The following SEZ6L variants were observed in gnomAD, a reference collection of about 807,000 sequenced individuals.
SEZ6L encodes seizure related 6 homolog like, also known as seizure 6-like protein.
SEZ6L carries 37 observed loss-of-function variants against 106.2 expected under a neutral mutation model. The ratio of observed to expected loss-of-function variants is 0.35; its 90% CI spans 0.27 to 0.46. The LOEUF (loss-of-function observed/expected upper bound fraction) is 0.46, where lower values mean the gene tolerates loss of function less well. SEZ6L is among the 20% of genes least tolerant of loss of function. The pLI is 1.00. For synonymous variants in SEZ6L, 541 were observed against 570.4 expected (o/e 0.95, Z 0.73); for missense variants, 1,172 against 1,332.8 (o/e 0.88, Z 1.88).
chr22:26,169,781 C>A lies in SEZ6L; in HGVS notation c.94+18C>A. The A allele has an allele frequency of 8.2e-7, 1 of 1,221,070 alleles. No individual in the cohort carries two copies. The allele number at this position is 1,221,070 out of a possible 1,614,324, so 75.6% of individuals were successfully genotyped here. On this transcript the variant is annotated intron_variant, in intron 1 of 16. Coordinates refer to ENST00000248933, the MANE Select transcript of SEZ6L (RefSeq NM_021115.5). The stretch of plus-strand genomic sequence containing the variant: ...GGAGCGAGGTAAGCGCCCCGAGGGG[C>A]GGGGCGGGCAGGGGGCAAAGTTGCC...
intron 11 of SEZ6L, among the ~76,000 whole-genome samples, chr22:26,350,588 A>G (rs2083241635): frequency 6.6e-6 from 1 of 151,666 alleles, no homozygotes; most frequent in Admixed American, 6.6e-5. Context: ...CTCCTGGCCT[A>G]TTCTCCAGCC....
chr22:26,353,044 T>C (rs926408191), intron 12 of SEZ6L, among the ~76,000 whole-genome samples: 17 of 152,350 alleles, frequency 1.1e-4, no homozygotes, highest in Admixed American at 1.1e-3. Flanking sequence ...CATTTCTGTG[T>C]TCTTATTTTC....
At chr22:26,359,878 T>A (rs2083557326) in intron 12 of SEZ6L, among the ~76,000 whole-genome samples, 1 of 152,054 alleles carries the variant, frequency 6.6e-6, no homozygotes, top group Non-Finnish European at 1.5e-5. Context: ...ACTAAATGAG[T>A]TCATAGATAT....
chr22:26,219,783 C>T (rs2078409116), intron 1 of SEZ6L, among the ~76,000 whole-genome samples: 3 of 152,150 alleles, frequency 2.0e-5, no homozygotes, highest in South Asian at 4.1e-4. Context: ...GAACAACACA[C>T]ACCAAGGCCT....
chr22:26,368,798 T>TC (rs2083905285), intron 13 of SEZ6L, among the ~76,000 whole-genome samples: 1 of 151,914 alleles, frequency 6.6e-6, no homozygotes, highest in South Asian at 2.1e-4. Context: ...ATGACCACTG[T>TC]CTAAGATAGG....
At chr22:26,226,902 T>TGAA (rs2145735736) in intron 1 of SEZ6L, among the ~76,000 whole-genome samples, 1 of 152,306 alleles carries the variant, frequency 6.6e-6, no homozygotes, top group East Asian at 1.9e-4. Flanking sequence ...CCATGAAGAA[T>TGAA]GAAACCACAC....
intron 1 of SEZ6L, among the ~76,000 whole-genome samples, chr22:26,231,985 C>T (rs1200573377): frequency 6.6e-6 from 1 of 152,130 alleles, no homozygotes; most frequent in Non-Finnish European, 1.5e-5. Context: ...CCCCACAGCA[C>T]TCCATGGGGC....
Position 26,169,502 on chromosome 22 carries a change from C to A in SEZ6L, c.-168C>A, listed in dbSNP as rs1007597223. ...CCCGGCGCAGCTCGGCCAGAGCGACCGCGGGGCTGAGCGCGCGTCCGCCCA... is the reference window on the plus strand; with the variant it reads ...CCCGGCGCAGCTCGGCCAGAGCGACAGCGGGGCTGAGCGCGCGTCCGCCCA... On this transcript the variant is annotated 5_prime_UTR_variant, in exon 1 of 17. Transcript: ENST00000248933. 2.8e-6 allele frequency: 1 copy of A among 357,074 alleles called. No homozygotes were observed. Among genetic ancestry groups the A allele is most frequent in the African/African-American group, 2.1e-5 (1 of 46,840 alleles). 22.1% of individuals were successfully genotyped at this position (357,074 alleles called of 1,614,324 possible). A position where few individuals can be genotyped will look rare whatever the true frequency, so the allele number is the denominator to read the frequency against.
chr22:26,244,435 A>G (rs1332524402), intron 1 of SEZ6L: 1 of 152,296 alleles, frequency 6.6e-6, no homozygotes, highest in Non-Finnish European at 1.5e-5. Flanking sequence ...TCTACATTCA[A>G]AGGGCTTCCC....
At chr22:26,293,208 G>A in intron 2 of SEZ6L, 62 bp downstream of exon 2, 1 of 1,451,402 alleles carries the variant, frequency 6.9e-7, no homozygotes, top group Non-Finnish European at 9.0e-7. Context: ...ACTATGTTCA[G>A]GGCATGTGGG....
chr22:26,348,736 AGGGAAGAAGGGAGGAAGGGAGG>A (rs2083156503), intron 11 of SEZ6L, among the ~76,000 whole-genome samples: 1 of 56,448 alleles, frequency 1.8e-5, no homozygotes, highest in African/African-American at 8.0e-5. Flanking sequence ...AAGGGAGGGA[AGGGAAGAAGGGAGGAAGGGAGG>A]GGGAGGGAAG....
At chr22:26,266,963 G>A (rs185085379) in intron 1 of SEZ6L, among the ~76,000 whole-genome samples, 58 of 152,322 alleles carry the variant, frequency 3.8e-4, no homozygotes, top group African/African-American at 1.3e-3. Flanking sequence ...GCAAAGAAAT[G>A]ATGTTAGAGC....
chr22:26,292,298 C>T (rs778716437), intron 1 of SEZ6L, 108 bp from the exon 2 acceptor site: 41 of 802,196 alleles, frequency 5.1e-5, no homozygotes, highest in East Asian at 3.2e-4. Flanking sequence ...AGAGGCCAGC[C>T]GGACGAGCTT....
chr22:26,184,340 C>G (rs1464322947), intron 1 of SEZ6L, among the ~76,000 whole-genome samples: 1 of 152,174 alleles, frequency 6.6e-6, no homozygotes, highest in Non-Finnish European at 1.5e-5. Flanking sequence ...GGATCCCTAA[C>G]CAGATGCCTG....
intron 1 of SEZ6L, among the ~76,000 whole-genome samples, chr22:26,185,863 T>C (rs1028245361): frequency 7.2e-5 from 11 of 152,236 alleles, no homozygotes; most frequent in South Asian, 6.2e-4. Flanking sequence ...TCTGTGTCTA[T>C]GTGACTTTAA....
intron 9 of SEZ6L, among the ~76,000 whole-genome samples, chr22:26,318,075 T>TTATTTTA (rs137932967): frequency 1.3e-5 from 2 of 151,626 alleles, no homozygotes; most frequent in East Asian, 3.9e-4. Flanking sequence ...TTATTTTATT[T>TTATTTTA]TATTTTATTT....
At chr22:26,288,908 G>C (rs1363847764) in intron 1 of SEZ6L, among the ~76,000 whole-genome samples, 1 of 151,616 alleles carries the variant, frequency 6.6e-6, no homozygotes, top group African/African-American at 2.4e-5. Flanking sequence ...TGGCTGGCCA[G>C]ATAACCCAAA....
chr22:26,223,418 A>G (rs17373436), intron 1 of SEZ6L, among the ~76,000 whole-genome samples: 22,323 of 152,232 alleles, frequency 0.15, 2,054 homozygotes, highest in Non-Finnish European at 0.21. Context: ...CTTGCATTGA[A>G]CACAGTCTAT....
intron 1 of SEZ6L, among the ~76,000 whole-genome samples, chr22:26,183,456 A>AGGG (rs1939540037): frequency 6.6e-6 from 1 of 152,160 alleles, no homozygotes; most frequent in Non-Finnish European, 1.5e-5. Context: ...GGAGCCATGA[A>AGGG]TTTCTGGGAC....
Sources: allele counts gnomAD v4.1 joint callset (sites outside exome capture counted in the v4.1 genomes callset), GRCh38; gene constraint gnomAD v4.1.1; transcripts MANE v1.5; gene names NCBI Gene and HGNC (gene_info 2026-07-23, HGNC 2026-07-21).